The following C9orf43 variants were observed in gnomAD, a reference collection of about 807,000 sequenced individuals.
The protein encoded by C9orf43 is uncharacterized protein C9orf43.
C9orf43 carries 45 observed loss-of-function variants against 59.1 expected under a neutral mutation model. That is an observed-to-expected ratio of 0.76 (90% CI 0.60 to 0.98). The LOEUF (loss-of-function observed/expected upper bound fraction) is 0.98, where lower values mean the gene tolerates loss of function less well. Among genes scored for constraint, C9orf43 ranks in the 50% least tolerant of loss-of-function variants. The pLI is 0.00. For missense variants in C9orf43, 533 were observed against 554.9 expected (o/e 0.96, Z 0.40); for synonymous variants, 203 against 196.8 (o/e 1.03, Z -0.26).
At chr9:113,413,250 T>C (rs1250129659) in intron 1 of C9orf43, among the ~76,000 whole-genome samples, 195 bp from the exon 2 acceptor site, 1 of 152,236 alleles carries the variant, frequency 6.6e-6, no homozygotes, top group Non-Finnish European at 1.5e-5. Flanking sequence ...GAAGTCCTGC[T>C]CTCAAACTCT....
intron 3 of C9orf43, among the ~76,000 whole-genome samples, chr9:113,418,426 C>G (rs1828454554): frequency 1.3e-5 from 2 of 152,156 alleles, no homozygotes. Context: ...CTCAGACCCC[C>G]AGTGGATGCC....
rs1828694684 is a variant in C9orf43, at chr9:113,424,193, G to C, written c.684G>C (p.Met228Ile). Residue 228 changes from methionine (M) to isoleucine (I), a missense_variant, in exon 8 of 14, where the codon ATG (methionine) becomes ATC (isoleucine). Met to Ile is a conservative substitution (Grantham distance 10). Transcript: ENST00000374165. The stretch of plus-strand genomic sequence containing the variant: ...TTTTGCCAGGTGGAAAGCAAACCAT[G>C]CTCTGTCCAGAGATGAAGATAAAAT... ...KELLPGGKQT[M>I]LCPEMKIKLA... is the part of the protein sequence containing the mutation. 1.2e-6 allele frequency: 2 copies of C among 1,612,556 alleles called. No individual in the cohort carries two copies. Among genetic ancestry groups the C allele is most frequent in the Admixed American group, 3.3e-5 (2 of 59,782 alleles).
chr9:113,417,416 A>G (rs563964346), intron 3 of C9orf43, among the ~76,000 whole-genome samples: 1 of 152,320 alleles, frequency 6.6e-6, no homozygotes, highest in East Asian at 1.9e-4. Flanking sequence ...TCAATTCACA[A>G]CTGTATTTTA....
chr9:113,414,131 A>C (rs532695848), intron 3 of C9orf43, among the ~76,000 whole-genome samples: 8 of 152,318 alleles, frequency 5.3e-5, no homozygotes, highest in African/African-American at 1.9e-4. Flanking sequence ...AAAATACCAT[A>C]GACTGGGTGC....
At chr9:113,413,044 C>A (rs1828228433) in intron 1 of C9orf43, among the ~76,000 whole-genome samples, 1 of 152,220 alleles carries the variant, frequency 6.6e-6, no homozygotes, top group Non-Finnish European at 1.5e-5. Context: ...CATCTTCTCC[C>A]TGATGACTAA....
chr9:113,421,028 TGCTTAGCATATCCTTAATCTGATATAGGA>T, intron 4 of C9orf43, 46 bp from the exon 5 acceptor site: 1 of 1,189,824 alleles, frequency 8.4e-7, no homozygotes, highest in Non-Finnish European at 1.2e-6. Context: ...CCAGACTCTT[TGCTTAGCATATCCTTAATCTGATATAGGA>T]GCTTAGCACC....
chr9:113,411,127 C>T, intron 1 of C9orf43, 126 bp downstream of exon 1: 1 of 985,284 alleles, frequency 1.0e-6, no homozygotes, highest in African/African-American at 1.7e-5. Context: ...GGAGTCAATT[C>T]GGACTGGGCA....
intron 6 of C9orf43, 49 bp downstream of exon 6, chr9:113,422,634 T>C: frequency 6.2e-7 from 1 of 1,601,336 alleles, no homozygotes; most frequent in Non-Finnish European, 8.5e-7. Flanking sequence ...CTATGTAGAG[T>C]TTATTTTGTT....
intron 5 of C9orf43, among the ~76,000 whole-genome samples, chr9:113,421,447 G>A (rs1301958421): frequency 1.3e-5 from 2 of 151,618 alleles, no homozygotes; most frequent in East Asian, 3.9e-4. Flanking sequence ...TAGCATACAA[G>A]ATAGGGCTCA....
At chr9:113,427,949 G>C (rs1258212449) in intron 11 of C9orf43, among the ~76,000 whole-genome samples, 198 bp from the exon 12 acceptor site, 1 of 152,316 alleles carries the variant, frequency 6.6e-6, no homozygotes, top group African/African-American at 2.4e-5. Context: ...CTCTAATTCT[G>C]TAATAGATGA....
chr9:113,429,207 G>A lies in C9orf43; in HGVS notation c.1207G>A (p.Asp403Asn). The change falls in exon 14 of 14, where the codon GAC (aspartate) becomes AAC (asparagine). Residue 403 changes from aspartate (D) to asparagine (N), a missense_variant. Physicochemically the swap from Asp to Asn is conservative, Grantham distance 23 (BLOSUM62 1). Coordinates refer to ENST00000374165, the MANE Select transcript of C9orf43 (RefSeq NM_001278629.2). ...ELYETEPTNK[D>N]ISAPVDAVPE... ...GTATGAAACAGAACCCACTAACAAG[G>A]ACATTAGTGCTCCAGTGGACGCTGT... 2 of 1,614,218 alleles carry A rather than the reference G, an allele frequency of 1.2e-6. No individual in the cohort carries two copies. The highest frequency in any genetic ancestry group is 1.7e-6 in the Non-Finnish European group (2 of 1,180,026).
intron 3 of C9orf43, among the ~76,000 whole-genome samples, chr9:113,415,046 G>C (rs562045045): frequency 6.6e-6 from 1 of 152,216 alleles, no homozygotes; most frequent in East Asian, 1.9e-4. Context: ...TGGCCAGGCT[G>C]GTCTCAAACT....
intron 4 of C9orf43, among the ~76,000 whole-genome samples, chr9:113,419,950 A>T (rs899499047): frequency 3.3e-5 from 5 of 152,132 alleles, no homozygotes; most frequent in South Asian, 2.1e-4. Context: ...TTTTCTTGAG[A>T]TGCTTCACTT....
intron 7 of C9orf43, 121 bp downstream of exon 7, chr9:113,423,619 T>C: frequency 1.1e-6 from 1 of 925,402 alleles, no homozygotes; most frequent in East Asian, 2.5e-5. Context: ...CCCGATTTGT[T>C]TACTGAACTC....
chr9:113,420,135 C>T (rs543734073), intron 4 of C9orf43, among the ~76,000 whole-genome samples: 22 of 151,902 alleles, frequency 1.4e-4, no homozygotes, highest in Non-Finnish European at 3.1e-4. Flanking sequence ...TCTCTGTCAC[C>T]CAGGCTGGAG....
chr9:113,423,305 T>C, intron 6 of C9orf43, 21 bp from the exon 7 acceptor site: 2 of 1,611,648 alleles, frequency 1.2e-6, no homozygotes, highest in Non-Finnish European at 1.7e-6. Flanking sequence ...TGGAGAATTC[T>C]TTCCATTGTT....
At chr9:113,426,795 A>G (rs1219928455) in intron 11 of C9orf43, among the ~76,000 whole-genome samples, 4 of 152,070 alleles carry the variant, frequency 2.6e-5, no homozygotes, top group East Asian at 3.9e-4. Context: ...AATAGGAGCA[A>G]TTTTGCTTGG....
rs1354448761 is a variant in C9orf43, at chr9:113,423,509, T to TGTAG, written c.656+14_656+17dup. Reference sequence around the variant, plus strand: ...GGATCTACTGAAGGAGTAAGTATCATGTAGGTCTGTGGGAGAGCCAGAGCA... The same window carrying TGTAG: ...GGATCTACTGAAGGAGTAAGTATCATGTAGGTAGGTCTGTGGGAGAGCCAGAGCA... On this transcript the variant is annotated intron_variant, in intron 7 of 13. Coordinates refer to ENST00000374165, the MANE Select transcript of C9orf43 (RefSeq NM_001278629.2). 6.2e-7 allele frequency: 1 copy of TGTAG among 1,606,940 alleles called. No homozygotes were observed. Among genetic ancestry groups the TGTAG allele is most frequent in the Non-Finnish European group, 8.5e-7 (1 of 1,174,002 alleles).
chr9:113,416,202 G>A (rs1282906888), intron 3 of C9orf43, among the ~76,000 whole-genome samples: 1 of 152,124 alleles, frequency 6.6e-6, no homozygotes, highest in East Asian at 1.9e-4. Context: ...TTTTCTCCTC[G>A]AAGCTATTTT....
Sources: gnomAD v4.1 joint callset for allele counts (sites outside exome capture counted in the v4.1 genomes callset) on GRCh38, gnomAD v4.1.1 for gene constraint, MANE v1.5 for transcripts, NCBI Gene and HGNC (gene_info 2026-07-23, HGNC 2026-07-21) for gene names.